PTPRK: variants seen among roughly 807,000 people sequenced by gnomAD.
PTPRK encodes the protein receptor-type tyrosine-protein phosphatase kappa.
PTPRK carries 75 observed loss-of-function variants against 178.0 expected under a neutral mutation model. The ratio of observed to expected loss-of-function variants is 0.42; its 90% CI spans 0.35 to 0.51. The LOEUF (loss-of-function observed/expected upper bound fraction) is 0.51, where lower values mean the gene tolerates loss of function less well. Ranked by LOEUF, PTPRK falls within the 20% of genes least tolerant of loss-of-function variation. The pLI is 0.02. For missense variants in PTPRK, 1,441 were observed against 1,797.8 expected, an observed-to-expected ratio of 0.80 and a Z score of 3.59; for synonymous variants, 637 against 620.6, an observed-to-expected ratio of 1.03 and a Z score of -0.39.
At chr6:128,207,085 A>T (rs1807116342) in intron 6 of PTPRK, among the ~76,000 whole-genome samples, 1 of 152,126 alleles carries the variant, frequency 6.6e-6, no homozygotes, top group South Asian at 2.1e-4. Flanking sequence ...CCAGAACCCC[A>T]ACAGGTAGAT....
At chr6:128,143,941 A>T (rs1796122651) in intron 7 of PTPRK, among the ~76,000 whole-genome samples, 1 of 152,162 alleles carries the variant, frequency 6.6e-6, no homozygotes. Flanking sequence ...TTTTGACTAC[A>T]AACCTGAGGT....
chr6:128,168,697 C>T (rs549689777), intron 7 of PTPRK, among the ~76,000 whole-genome samples: 2 of 152,176 alleles, frequency 1.3e-5, no homozygotes, highest in Admixed American at 6.6e-5. Flanking sequence ...GAGGTAGCAG[C>T]GTTGCACCCT....
intron 7 of PTPRK, among the ~76,000 whole-genome samples, chr6:128,183,986 G>A (rs1802352277): frequency 6.6e-6 from 1 of 152,154 alleles, no homozygotes; most frequent in African/African-American, 2.4e-5. Flanking sequence ...ACGAGGCATT[G>A]TCCAGAGTAA....
chr6:128,318,158 C>T (rs1029007773), intron 3 of PTPRK, among the ~76,000 whole-genome samples: 10 of 152,054 alleles, frequency 6.6e-5, no homozygotes, highest in African/African-American at 2.2e-4. Flanking sequence ...GAGGGACATC[C>T]CCTCTTTTTA....
At chr6:128,336,771 A>G (rs1011954056) in intron 2 of PTPRK, among the ~76,000 whole-genome samples, 6 of 152,178 alleles carry the variant, frequency 3.9e-5, no homozygotes, top group Non-Finnish European at 1.5e-5. Flanking sequence ...TTTCCTTTAC[A>G]ATGATCCTAC....
chr6:127,983,754 T>G (rs779525398), intron 22 of PTPRK, among the ~76,000 whole-genome samples: 10 of 152,210 alleles, frequency 6.6e-5, no homozygotes, highest in Non-Finnish European at 1.5e-4. Context: ...ATTTTTAGAT[T>G]CATCTAGTTG....
At chr6:128,201,044 T>C (rs1455947399) in intron 6 of PTPRK, among the ~76,000 whole-genome samples, 2 of 152,188 alleles carry the variant, frequency 1.3e-5, no homozygotes, top group Non-Finnish European at 2.9e-5. Flanking sequence ...AATTTTCATA[T>C]TAATTAAAAA....
rs188969740 is a variant in PTPRK, at chr6:128,367,737, A to G, written c.223+29829T>C. ...TCTCCTTCTAAATTATTTCATATAT[A>G]AATCAAACCACTAACTTGGGCCTCA... On this transcript the variant is annotated intron_variant, in intron 2 of 29. Coordinates refer to ENST00000368226, the MANE Select transcript of PTPRK (RefSeq NM_002844.4). Among the ~76,000 whole-genome samples the G allele has an allele frequency of 2.3e-3, 355 of 152,276 alleles. 2 individuals are homozygous for G. The highest frequency in any genetic ancestry group is 7.8e-3 in the African/African-American group (323 of 41,554).
chr6:128,299,505 T>G (rs1424029117), intron 3 of PTPRK, among the ~76,000 whole-genome samples: 3 of 151,714 alleles, frequency 2.0e-5, no homozygotes, highest in East Asian at 3.9e-4. Context: ...AACAGCATGG[T>G]ACTGGTACCA....
chr6:128,130,918 C>A (rs999539147), intron 7 of PTPRK, among the ~76,000 whole-genome samples: 2 of 152,182 alleles, frequency 1.3e-5, no homozygotes, highest in Admixed American at 1.3e-4. Context: ...CTCCTCCACT[C>A]CAGAATTACA....
chr6:128,520,127 A>T, intron 1 of PTPRK, 132 bp downstream of exon 1: 3 of 743,294 alleles, frequency 4.0e-6, no homozygotes, highest in Non-Finnish European at 6.4e-6. Flanking sequence ...CCCTCCCTCT[A>T]CCCTGTGTTC....
chr6:128,289,685 C>G (rs1266965939), intron 3 of PTPRK, among the ~76,000 whole-genome samples: 1 of 151,990 alleles, frequency 6.6e-6, no homozygotes, highest in Admixed American at 6.6e-5. Context: ...TAGATAAATA[C>G]AGAAAATTTG....
chr6:128,335,441 CAA>C (rs10585655), intron 2 of PTPRK, among the ~76,000 whole-genome samples: 97,140 of 109,922 alleles, frequency 0.88, 42,897 homozygotes, highest in South Asian at 0.95. Flanking sequence ...GGAATGATAA[CAA>C]AAAAAAAAAA....
intron 2 of PTPRK, among the ~76,000 whole-genome samples, chr6:128,383,369 C>T (rs551230128): frequency 1.3e-4 from 19 of 151,968 alleles, no homozygotes; most frequent in Non-Finnish European, 2.4e-4. Flanking sequence ...TAGTGTTATA[C>T]GGGGCTGGAA....
intron 2 of PTPRK, among the ~76,000 whole-genome samples, chr6:128,396,218 AT>A: frequency 6.6e-6 from 1 of 151,408 alleles, no homozygotes; most frequent in South Asian, 2.1e-4. Context: ...TTGTAGAAAA[AT>A]TAATTCTAAA....
chr6:128,168,406 T>C (rs1301778202), intron 7 of PTPRK, among the ~76,000 whole-genome samples: 1 of 152,022 alleles, frequency 6.6e-6, no homozygotes, highest in Admixed American at 6.6e-5. Context: ...GACTCAGCAA[T>C]TGGCACCTTG....
intron 13 of PTPRK, among the ~76,000 whole-genome samples, chr6:128,041,348 C>T (rs943342442): frequency 6.6e-6 from 1 of 151,994 alleles, no homozygotes; most frequent in Non-Finnish European, 1.5e-5. Context: ...AAGTAATCCA[C>T]ATTTCATTAA....
intron 2 of PTPRK, among the ~76,000 whole-genome samples, chr6:128,385,942 T>TAAATA (rs1468227239): frequency 2.0e-5 from 3 of 152,290 alleles, no homozygotes; most frequent in Non-Finnish European, 4.4e-5. Context: ...ATTCAAGAGA[T>TAAATA]AAATAATTAG....
In PTPRK at chr6:128,277,656, G is replaced by A. The variant is rs184529281; in HGVS notation, c.496-35054C>T. Among the ~76,000 whole-genome samples the A allele has an allele frequency of 2.1e-3, 314 of 152,294 alleles. 1 individual carries two copies. Among genetic ancestry groups the A allele is most frequent in the African/African-American group, 7.1e-3 (297 of 41,566 alleles). On this transcript the variant is annotated intron_variant, in intron 3 of 29. Coordinates refer to ENST00000368226, the MANE Select transcript of PTPRK (RefSeq NM_002844.4). ...CCTGGCCAAAGAAGTGAAGGTTGGG[G>A]AAAGGACGCATATTAATTTATGTGA...
Sources: allele counts gnomAD v4.1 joint callset (sites outside exome capture counted in the v4.1 genomes callset), GRCh38; gene constraint gnomAD v4.1.1; transcripts MANE v1.5; gene names NCBI Gene and HGNC (gene_info 2026-07-23, HGNC 2026-07-21).